The following ANKS6 variants were observed in gnomAD, a reference collection of about 807,000 sequenced individuals.
The protein encoded by ANKS6 is ankyrin repeat and SAM domain-containing protein 6.
Under a neutral mutation model 77.9 loss-of-function variants are expected in ANKS6, and 47 were observed. The observed-to-expected ratio is 0.60, with a 90% CI of 0.48 to 0.77. ANKS6 has a LOEUF of 0.77. Among genes scored for constraint, ANKS6 ranks in the 30% least tolerant of loss-of-function variants. The pLI is 0.00. For missense variants in ANKS6, 1,150 were observed against 1,159.1 expected, an observed-to-expected ratio of 0.99 and a Z score of 0.11; for synonymous variants, 488 against 501.7, an observed-to-expected ratio of 0.97 and a Z score of 0.37.
chr9:98,778,441 G>T lies in ANKS6; in HGVS notation c.1369-17C>A. On this transcript the variant is annotated splice_polypyrimidine_tract_variant and intron_variant, in intron 6 of 14. Transcript: ENST00000353234. ...CCACCAGGACTGCCAAAGGAACGCA[G>T]AGCAGAAGTCATGCTCCAGGAAGGG... 1.9e-6 allele frequency: 3 copies of T among 1,612,046 alleles called. No homozygotes were observed. Among genetic ancestry groups the T allele is most frequent in the South Asian group, 2.2e-5 (2 of 90,768 alleles).
Position 98,735,534 on chromosome 9 carries a change from A to G in ANKS6, c.*985T>C. The stretch of plus-strand genomic sequence containing the variant: ...ATTAATAGGATGTAGACAAAATTCC[A>G]AATTTTCACTTCTTTGCCTAGAAAC... On this transcript the variant is annotated 3_prime_UTR_variant, in exon 15 of 15. Coordinates refer to ENST00000353234, the MANE Select transcript of ANKS6 (RefSeq NM_173551.5). 1.6e-6 allele frequency: 2 copies of G among 1,230,258 alleles called. No homozygotes were observed. Among genetic ancestry groups the G allele is most frequent in the East Asian group, 6.3e-5 (2 of 31,672 alleles). The allele number at this position is 1,230,258 out of a possible 1,614,324, so 76.2% of individuals were successfully genotyped here. A position where few individuals can be genotyped will look rare whatever the true frequency, so the allele number is the denominator to read the frequency against.
Position 98,773,867 on chromosome 9 carries a change from G to C in ANKS6, c.1821+10C>G. 6.6e-7 allele frequency: 1 copy of C among 1,518,964 alleles called. No homozygotes were observed. Among genetic ancestry groups the C allele is most frequent in the Non-Finnish European group, 8.8e-7 (1 of 1,137,646 alleles). 94.1% of individuals were successfully genotyped at this position (1,518,964 alleles called of 1,614,324 possible). A position where few individuals can be genotyped will look rare whatever the true frequency, so the allele number is the denominator to read the frequency against. Reference sequence around the variant, plus strand: ...AGTGATGTGTAAAAGTGTGTCAGAAGACAACTTACAGTGTCTGTGCCCCCG... The same window carrying C: ...AGTGATGTGTAAAAGTGTGTCAGAACACAACTTACAGTGTCTGTGCCCCCG... On this transcript the variant is annotated intron_variant, in intron 9 of 14. Transcript: ENST00000353234.
At chr9:98,777,494 CGTG>C in intron 7 of ANKS6, 40 bp from the exon 8 acceptor site, 1 of 1,602,058 alleles carries the variant, frequency 6.2e-7, no homozygotes, top group East Asian at 2.2e-5. Context: ...GACCCCTCCA[CGTG>C]TCCACAGCAT....
intron 2 of ANKS6, 192 bp downstream of exon 2, chr9:98,789,912 G>A: frequency 1.3e-6 from 1 of 775,104 alleles, no homozygotes. Flanking sequence ...TCACTCTGCA[G>A]AGAGTGGGCC....
At chr9:98,794,136 G>C (rs1304451215) in intron 1 of ANKS6, among the ~76,000 whole-genome samples, 7 of 107,936 alleles carry the variant, frequency 6.5e-5, no homozygotes, top group Non-Finnish European at 1.2e-4. Context: ...GTGACAGAGC[G>C]AGACTCCGTC....
In ANKS6 at chr9:98,777,312, A is replaced by C. The variant is rs953104452; in HGVS notation, c.1617+93T>G. Reference sequence around the variant, plus strand: ...CACCAACCCTATCTGTGACCACTACAAAGACAGACAAACACCTACATCCCT... The same window carrying C: ...CACCAACCCTATCTGTGACCACTACCAAGACAGACAAACACCTACATCCCT... On this transcript the variant is annotated intron_variant, in intron 8 of 14. Transcript: ENST00000353234. The C allele has an allele frequency of 5.1e-5, 72 of 1,398,538 alleles. 2 individuals are homozygous for C. In the South Asian group the frequency reaches 8.0e-4, roughly 16 times the overall value. 86.6% of individuals were successfully genotyped at this position (1,398,538 alleles called of 1,614,324 possible).
rs756644622 is a variant in ANKS6, at chr9:98,790,540, C to T, written c.426G>A (p.Arg142=). 1 of 1,613,430 alleles carries T rather than the reference C, an allele frequency of 6.2e-7. No homozygotes were observed. The highest frequency in any genetic ancestry group is 8.5e-7 in the Non-Finnish European group (1 of 1,179,696). The change falls in exon 2 of 15, where the codon CGG becomes CGA. Residue 142 remains arginine, a synonymous_variant. Transcript: ENST00000353234. ...CCACAGTGAGCACACTGGCCCCCAG[C>T]CGGTTCTGGGCATTGACATCAGCCC... The part of the protein sequence containing the change: ...DHGADVNAQN[R]LGASVLTVAS...
intron 9 of ANKS6, among the ~76,000 whole-genome samples, chr9:98,771,660 C>A (rs1047207592): frequency 1.3e-5 from 2 of 152,148 alleles, no homozygotes; most frequent in Non-Finnish European, 2.9e-5. Context: ...GCCTTGGGGC[C>A]TTTGCCCAGG....
Position 98,736,535 on chromosome 9 carries a change from T to C in ANKS6, c.2600A>G (p.Asn867Ser), listed in dbSNP as rs1831512335. The C allele has an allele frequency of 1.2e-6, 2 of 1,611,982 alleles. No homozygotes were observed. Among genetic ancestry groups the C allele is most frequent in the South Asian group, 2.2e-5 (2 of 90,774 alleles). The change falls in exon 15 of 15, where the codon AAC (asparagine) becomes AGC (serine). Residue 867 changes from asparagine to serine, a missense_variant. By Grantham distance (46) the Asn-to-Ser change is conservative. Coordinates refer to ENST00000353234, the MANE Select transcript of ANKS6 (RefSeq NM_173551.5). ...SSASNTRAPG[N>S]SPCA ...GAAGGAGGATCACGCACAGGGGCTGTTGCCAGGGGCCCTGGTGTTGCTGGC... is the reference window on the plus strand; with the variant it reads ...GAAGGAGGATCACGCACAGGGGCTGCTGCCAGGGGCCCTGGTGTTGCTGGC...
Position 98,787,394 on chromosome 9 carries a change from T to C in ANKS6, c.863-2518A>G, listed in dbSNP as rs182808743. On this transcript the variant is annotated intron_variant, in intron 2 of 14. Coordinates refer to ENST00000353234, the MANE Select transcript of ANKS6 (RefSeq NM_173551.5). ...GCCCTTTTTTTTTTTTTTTTAACCC[T>C]GTGGCACTTACCACCTATCCTACTA... 5.6e-3 allele frequency among the ~76,000 whole-genome samples: 845 copies of C among 150,466 alleles called. 5 individuals carry two copies. The highest frequency in any genetic ancestry group is 9.3e-3 in the Non-Finnish European group (627 of 67,530).
chr9:98,780,318 C>A lies in ANKS6; in HGVS notation c.1239G>T (p.Leu413=), dbSNP rs1167495935. 1.2e-6 allele frequency: 2 copies of A among 1,601,546 alleles called. No individual in the cohort carries two copies. Among genetic ancestry groups the A allele is most frequent in the East Asian group, 2.2e-5 (1 of 44,644 alleles). Residue 413 remains leucine (L), a synonymous_variant, in exon 6 of 15, where the codon CTG becomes CTT. Coordinates refer to ENST00000353234, the MANE Select transcript of ANKS6 (RefSeq NM_173551.5). ...TCACCTGCATGCAGACAGATGCCAGCAGTCGAACAAGTTCCGTGTCTATGG... is the reference window on the plus strand; with the variant it reads ...TCACCTGCATGCAGACAGATGCCAGAAGTCGAACAAGTTCCGTGTCTATGG... ...LNDPDTELVR[L]LASVCMQVNK...
intron 12 of ANKS6, among the ~76,000 whole-genome samples, chr9:98,755,062 A>T (rs1832621748): frequency 1.3e-5 from 2 of 152,134 alleles, no homozygotes. Flanking sequence ...TTGCTGGTGA[A>T]TCTCTGAGGC....
Position 98,774,034 on chromosome 9 carries a change from T to C in ANKS6, c.1664A>G (p.Lys555Arg). 6.4e-7 allele frequency: 1 copy of C among 1,562,790 alleles called. No homozygotes were observed. Among genetic ancestry groups the C allele is most frequent in the Non-Finnish European group, 8.7e-7 (1 of 1,153,968 alleles). ...PLTRLPSDKL[K>R]AVIPPFLPPS... is the part of the protein sequence containing the mutation. ...GGGTAGGAATGGGGGGATGACTGCT[T>C]TCAGCTTGTCACTCGGGAGTCTGGT... is the stretch of plus-strand genomic sequence containing the variant. The change falls in exon 9 of 15, where the codon AAA becomes AGA. Residue 555 changes from lysine (K) to arginine (R), a missense_variant. Physicochemically the swap from Lys to Arg is conservative, Grantham distance 26 (BLOSUM62 2). Coordinates refer to ENST00000353234, the MANE Select transcript of ANKS6 (RefSeq NM_173551.5).
chr9:98,774,587 G>A (rs1211837757), intron 8 of ANKS6, among the ~76,000 whole-genome samples: 1 of 152,208 alleles, frequency 6.6e-6, no homozygotes, highest in Non-Finnish European at 1.5e-5. Context: ...AGCATGAGCA[G>A]CCATTGGGAG....
chr9:98,751,684 A>C (rs1447730782), intron 12 of ANKS6, among the ~76,000 whole-genome samples: 1 of 152,166 alleles, frequency 6.6e-6, no homozygotes, highest in Non-Finnish European at 1.5e-5. Flanking sequence ...AAAGGAGACA[A>C]AACCAGCACC....
At chr9:98,771,776 C>T (rs1156505285) in intron 9 of ANKS6, among the ~76,000 whole-genome samples, 1 of 152,180 alleles carries the variant, frequency 6.6e-6, no homozygotes, top group Non-Finnish European at 1.5e-5. Context: ...GCCTTCACTG[C>T]CTAAGCGGTA....
rs960095507 is a variant in ANKS6, at chr9:98,733,553, C to A, written c.*2966G>T. 6 of 985,380 alleles carry A rather than the reference C, an allele frequency of 6.1e-6. No individual in the cohort carries two copies. The African/African-American group carries it at 1.0e-4, about 17-fold the overall frequency. 61.0% of individuals were successfully genotyped at this position (985,380 alleles called of 1,614,324 possible). A position where few individuals can be genotyped will look rare whatever the true frequency, so the allele number is the denominator to read the frequency against. ...GACCACCAAGGGCCCTGACCCACTT[C>A]CAGGGCTGCAAGGCCTCTTGGTTGC... On this transcript the variant is annotated 3_prime_UTR_variant, in exon 15 of 15. Transcript: ENST00000353234.
rs1835178246 is a variant in ANKS6 at position 98,796,381 on chromosome 9, G to C, written c.111C>G (p.Ala37=). Residue 37 remains alanine, a synonymous_variant, in exon 1 of 15, where the codon GCC becomes GCG. Coordinates refer to ENST00000353234, the MANE Select transcript of ANKS6 (RefSeq NM_173551.5). ...CCGCCTCCGGCTCCGCGCCGCGCTC[G>C]GCTGGCTCCGCCGCCCCCGGCTCCA... ...RLLEPGAAEP[A]ERGAEPEAGA... The C allele has an allele frequency of 3.0e-6, 3 of 1,012,156 alleles. No homozygotes were observed. In the African/African-American group the frequency reaches 5.3e-5, roughly 18 times the overall value. The allele number at this position is 1,012,156 out of a possible 1,614,324, so 62.7% of individuals were successfully genotyped here.
intron 9 of ANKS6, among the ~76,000 whole-genome samples, chr9:98,771,841 A>G (rs1173906595): frequency 6.6e-6 from 1 of 151,776 alleles, no homozygotes; most frequent in Non-Finnish European, 1.5e-5. Context: ...TCCTCAACAC[A>G]CGGCTGTGAT....
Sources: allele counts gnomAD v4.1 joint callset (sites outside exome capture counted in the v4.1 genomes callset), GRCh38; gene constraint gnomAD v4.1.1; transcripts MANE v1.5; gene names NCBI Gene and HGNC (gene_info 2026-07-23, HGNC 2026-07-21).